Variants in RELL1 observed in about 807,000 individuals in gnomAD.
The protein encoded by RELL1 is RELT like 1.
RELL1 carries 10 observed loss-of-function variants against 23.0 expected under a neutral mutation model. That is an observed-to-expected ratio of 0.43 (90% CI 0.27 to 0.74). The LOEUF (loss-of-function observed/expected upper bound fraction) is 0.74. Among genes scored for constraint, RELL1 ranks in the 30% least tolerant of loss-of-function variants. RELL1 has a pLI of 0.19. For missense variants in RELL1, 315 were observed against 364.4 expected (o/e 0.86, Z 1.10); for synonymous variants, 146 against 146.8 (o/e 0.99, Z 0.04).
At chr4:37,607,879 C>T (rs1360533121), downstream of RELL1, among the ~76,000 whole-genome samples, 2 of 152,168 alleles carry the variant, frequency 1.3e-5, no homozygotes, top group Admixed American at 6.5e-5. Context: ...TGAGCCACTG[C>T]GCCCAGCCAT....
intron 1 of RELL1, among the ~76,000 whole-genome samples, chr4:37,665,942 G>A (rs1398846415): frequency 1.3e-5 from 2 of 152,122 alleles, no homozygotes; most frequent in Non-Finnish European, 2.9e-5. Context: ...GTGCTGAGCT[G>A]GCTGGAGGGA....
intron 6 of RELL1, among the ~76,000 whole-genome samples, chr4:37,596,427 A>G (rs956658480): frequency 1.7e-5 from 2 of 116,114 alleles, no homozygotes; most frequent in Non-Finnish European, 3.5e-5. Flanking sequence ...AACACATAAG[A>G]CTCCAGCAGG....
chr4:37,669,880 A>G (rs868683146), intron 1 of RELL1, among the ~76,000 whole-genome samples: 4 of 151,446 alleles, frequency 2.6e-5, no homozygotes, highest in African/African-American at 9.7e-5. Context: ...AATCTCAAGT[A>G]CCCAGGGACA....
At chr4:37,655,185 G>A (rs930318445) in intron 1 of RELL1, among the ~76,000 whole-genome samples, 18 of 151,972 alleles carry the variant, frequency 1.2e-4, no homozygotes, top group Non-Finnish European at 8.8e-5. Flanking sequence ...TAAAAATGAC[G>A]TCCAAGTTTC....
At chr4:37,592,583 A>G (rs1185971484) in intron 6 of RELL1, among the ~76,000 whole-genome samples, 1 of 152,218 alleles carries the variant, frequency 6.6e-6, no homozygotes, top group African/African-American at 2.4e-5. Context: ...TAAAGGCATT[A>G]AGGATGCTCA....
At chr4:37,592,353 GAAAA>G (rs11403816) in intron 6 of RELL1, among the ~76,000 whole-genome samples, 1 of 108,194 alleles carries the variant, frequency 9.2e-6, no homozygotes, top group Non-Finnish European at 2.0e-5. Flanking sequence ...CCATCTCTAT[GAAAA>G]AAAAAAAAAA....
At chr4:37,594,450 A>G (rs1718757998) in intron 6 of RELL1, among the ~76,000 whole-genome samples, 1 of 152,204 alleles carries the variant, frequency 6.6e-6, no homozygotes, top group African/African-American at 2.4e-5. Context: ...AACCTTAGGC[A>G]ATTGCATCAC....
chr4:37,609,576 T>C (rs13121507), downstream of RELL1, among the ~76,000 whole-genome samples: 46,061 of 152,188 alleles, frequency 0.3, 8,787 homozygotes, highest in Non-Finnish European at 0.42. Flanking sequence ...GTAAAGTCAA[T>C]TGAAATCTTC....
intron 3 of RELL1, among the ~76,000 whole-genome samples, chr4:37,641,230 G>GACACAC (rs143412185): frequency 6.6e-6 from 1 of 151,174 alleles, no homozygotes; most frequent in African/African-American, 2.4e-5. Flanking sequence ...TGGCATGTGG[G>GACACAC]ACACACACAC....
At chr4:37,663,213 T>C (rs1227288641) in intron 1 of RELL1, among the ~76,000 whole-genome samples, 3 of 152,118 alleles carry the variant, frequency 2.0e-5, no homozygotes, top group Admixed American at 2.0e-4. Flanking sequence ...CCCCTCCTCC[T>C]TTTGCTATTT....
chr4:37,679,114 C>A (rs757203547), intron 1 of RELL1, among the ~76,000 whole-genome samples: 4 of 152,174 alleles, frequency 2.6e-5, no homozygotes, highest in Non-Finnish European at 5.9e-5. Context: ...AGATGTCCGG[C>A]CCCTCTACCC....
chr4:37,590,435 C>T, downstream of RELL1: 1 of 1,611,782 alleles, frequency 6.2e-7, no homozygotes, highest in Non-Finnish European at 8.5e-7. Context: ...GCCAGTACTG[C>T]AAATACTGTT....
chr4:37,625,742 TAA>T (rs1168132512), intron 6 of RELL1, among the ~76,000 whole-genome samples: 1 of 152,308 alleles, frequency 6.6e-6, no homozygotes, highest in Middle Eastern at 3.4e-3. Flanking sequence ...TGAAAAATGC[TAA>T]GAGAGATTTT....
rs778991021 is a variant in RELL1 at position 37,631,472 on chromosome 4, G to T, written c.732C>A (p.Ser244Arg). ...TTTCAGCCCCACTAACAGACATCAGGCTTCTCCGTTCCTTCTGGTTTGACT... is the reference window on the plus strand; with the variant it reads ...TTTCAGCCCCACTAACAGACATCAGTCTTCTCCGTTCCTTCTGGTTTGACT... ...EHKSNQKERR[S>R]LMSVSGAETV... Residue 244 changes from serine (S) to arginine (R), a missense_variant, in exon 6 of 7, where the codon AGC becomes AGA. Physicochemically the swap from Ser to Arg is moderately radical, Grantham distance 110. Coordinates refer to ENST00000454158, the MANE Select transcript of RELL1 (RefSeq NM_001085400.2). 1 of 1,614,076 alleles carries T rather than the reference G, an allele frequency of 6.2e-7. No individual in the cohort carries two copies. Among genetic ancestry groups the T allele is most frequent in the South Asian group, 1.1e-5 (1 of 91,070 alleles).
At chr4:37,668,800 T>C (rs1721644073) in intron 1 of RELL1, among the ~76,000 whole-genome samples, 1 of 137,682 alleles carries the variant, frequency 7.3e-6, no homozygotes, top group Non-Finnish European at 1.5e-5. Context: ...CCACCCCATC[T>C]AGGAAGTGAG....
At chr4:37,616,959 T>C (rs1719596334) in intron 6 of RELL1, among the ~76,000 whole-genome samples, 1 of 152,204 alleles carries the variant, frequency 6.6e-6, no homozygotes, top group East Asian at 1.9e-4. Flanking sequence ...CATCACAGAG[T>C]ATTCAGTGCT....
intron 6 of RELL1, among the ~76,000 whole-genome samples, chr4:37,625,148 T>C (rs909792405): frequency 1.3e-5 from 2 of 152,116 alleles, no homozygotes; most frequent in African/African-American, 4.8e-5. Context: ...ATCACTGAAA[T>C]AAATTACTAA....
intron 6 of RELL1, among the ~76,000 whole-genome samples, chr4:37,614,343 A>C (rs1719503797): frequency 6.6e-6 from 1 of 152,196 alleles, no homozygotes; most frequent in Admixed American, 6.6e-5. Context: ...GAGAATAGAG[A>C]CAGAGCACAA....
chr4:37,660,828 A>ATCG (rs1721315495), intron 1 of RELL1, among the ~76,000 whole-genome samples: 1 of 152,136 alleles, frequency 6.6e-6, no homozygotes, highest in Non-Finnish European at 1.5e-5. Context: ...TCAGGAGATC[A>ATCG]AGACCATCCT....
Sources: allele counts gnomAD v4.1 joint callset (sites outside exome capture counted in the v4.1 genomes callset), GRCh38; gene constraint gnomAD v4.1.1; transcripts MANE v1.5; gene names NCBI Gene and HGNC (gene_info 2026-07-23, HGNC 2026-07-21).